COX16: variants seen among roughly 807,000 people sequenced by gnomAD.
COX16 encodes the protein cytochrome c oxidase assembly factor COX16.
COX16 carries 12 observed loss-of-function variants against 15.4 expected under a neutral mutation model. The observed-to-expected ratio is 0.78, with a 90% CI of 0.50 to 1.26. COX16 has a LOEUF of 1.26. COX16 is among the 50% of genes most tolerant of loss of function. The pLI is 0.00. For synonymous variants in COX16, 46 were observed against 41.1 expected (o/e 1.12, Z -0.46); for missense variants, 124 against 127.6 (o/e 0.97, Z 0.14).
In COX16 at chr14:70,330,873, C is replaced by G. The variant is rs1022843324; in HGVS notation, c.142-1637G>C. On this transcript the variant is annotated intron_variant, in intron 2 of 3. Coordinates refer to ENST00000389912, the MANE Select transcript of COX16 (RefSeq NM_016468.7). ...ATACAAAAAAAGAAAAAAATCAATT[C>G]CACATAGAATGTAGACCCAAATATG... Among the ~76,000 whole-genome samples, 7 of 151,970 alleles carry G rather than the reference C, an allele frequency of 4.6e-5. No individual in the cohort carries two copies. In the East Asian group the frequency reaches 1.2e-3, roughly 25 times the overall value.
chr14:70,347,861 G>T (rs1886829142), intron 1 of COX16, among the ~76,000 whole-genome samples: 1 of 151,954 alleles, frequency 6.6e-6, no homozygotes, highest in African/African-American at 2.4e-5. Context: ...GATATGTTAG[G>T]CTCTGGGTTC....
intron 1 of COX16, among the ~76,000 whole-genome samples, chr14:70,344,521 A>C (rs2332362): frequency 0.95 from 144,067 of 152,352 alleles, 68,193 homozygotes; most frequent in East Asian, 1. Context: ...TACAAAAGTT[A>C]ATGACCACAA....
At position 70,326,314 on chromosome 14, in the gene COX16, GA is replaced by G; in HGVS notation, c.*18del. 2.8e-6 allele frequency: 4 copies of G among 1,421,124 alleles called. No individual in the cohort carries two copies. The highest frequency in any genetic ancestry group is 3.7e-6 in the Non-Finnish European group (4 of 1,083,618). 88.0% of individuals were successfully genotyped at this position (1,421,124 alleles called of 1,614,324 possible). Reference sequence around the variant, plus strand: ...ATTTTTATTTAAAAAAAAAAAAAAGGAAAAAAGAATCAGCAGAGTCAAGTTG... The same window carrying G: ...ATTTTTATTTAAAAAAAAAAAAAAGGAAAAAGAATCAGCAGAGTCAAGTTG... On this transcript the variant is annotated 3_prime_UTR_variant, in exon 4 of 4. Coordinates refer to ENST00000389912, the MANE Select transcript of COX16 (RefSeq NM_016468.7).
chr14:70,344,653 G>C (rs1886720996), intron 1 of COX16, among the ~76,000 whole-genome samples: 1 of 152,188 alleles, frequency 6.6e-6, no homozygotes, highest in South Asian at 2.1e-4. Flanking sequence ...GATGAATAGT[G>C]TAAGATTCTC....
intron 2 of COX16, among the ~76,000 whole-genome samples, chr14:70,337,787 C>A (rs938625734): frequency 9.9e-5 from 15 of 151,756 alleles, no homozygotes; most frequent in Non-Finnish European, 1.6e-4. Flanking sequence ...CATTTTAAAA[C>A]TAAAAAATAT....
chr14:70,331,070 C>A (rs376001945), intron 2 of COX16, among the ~76,000 whole-genome samples: 1 of 152,112 alleles, frequency 6.6e-6, no homozygotes, highest in Non-Finnish European at 1.5e-5. Flanking sequence ...AGCAGTGGCA[C>A]GATCTCGGCT....
chr14:70,342,644 A>G lies in COX16; in HGVS notation c.141+14T>C. On this transcript the variant is annotated intron_variant, in intron 2 of 3. Transcript: ENST00000389912. ...ATAGACAGACACATGTCAAACTCTA[A>G]TTATATTTCTTACTTTACTCTTCAC... 6.2e-7 allele frequency: 1 copy of G among 1,608,196 alleles called. No individual in the cohort carries two copies. The highest frequency in any genetic ancestry group is 8.5e-7 in the Non-Finnish European group (1 of 1,178,470).
chr14:70,325,114 G>C lies in COX16; in HGVS notation c.*1219C>G, dbSNP rs1190155452. 6.6e-6 allele frequency: 1 copy of C among 152,052 alleles called. No homozygotes were observed. The highest frequency in any genetic ancestry group is 1.9e-4 in the East Asian group (1 of 5,194). The allele number at this position is 152,052 out of a possible 1,614,324, so 9.4% of individuals were successfully genotyped here. A position where few individuals can be genotyped will look rare whatever the true frequency, so the allele number is the denominator to read the frequency against. On this transcript the variant is annotated 3_prime_UTR_variant, in exon 4 of 4. Coordinates refer to ENST00000389912, the MANE Select transcript of COX16 (RefSeq NM_016468.7). ...ATTTACTTTTTATTAAAACCAACCT[G>C]CTGAAAAGAATACAAATTTTGACTA...
intron 1 of COX16, among the ~76,000 whole-genome samples, chr14:70,348,262 G>C (rs1440900384): frequency 6.6e-6 from 1 of 152,100 alleles, no homozygotes; most frequent in Non-Finnish European, 1.5e-5. Flanking sequence ...TCAAAGACAT[G>C]CTAGCTCACC....
At chr14:70,357,784 A>G (rs1887176354) in intron 1 of COX16, among the ~76,000 whole-genome samples, 2 of 152,230 alleles carry the variant, frequency 1.3e-5, no homozygotes, top group Non-Finnish European at 2.9e-5. Context: ...TGAAAATCAT[A>G]TCTTGCTGGT....
At chr14:70,357,014 G>A (rs930134017) in intron 1 of COX16, among the ~76,000 whole-genome samples, 1 of 151,942 alleles carries the variant, frequency 6.6e-6, no homozygotes, top group African/African-American at 2.4e-5. Flanking sequence ...AGAGGTTGGA[G>A]CTCTTTAAAA....
intron 1 of COX16, among the ~76,000 whole-genome samples, chr14:70,354,754 C>T (rs1887070977): frequency 6.6e-6 from 1 of 151,606 alleles, no homozygotes; most frequent in South Asian, 2.1e-4. Context: ...ATTATTGAAC[C>T]TGAGGGGGTG....
intron 2 of COX16, among the ~76,000 whole-genome samples, chr14:70,338,390 C>T (rs76887494): frequency 0.015 from 2,305 of 152,320 alleles, 33 homozygotes; most frequent in African/African-American, 0.035. Flanking sequence ...GGGATTAACA[C>T]ATGTGAACCA....
chr14:70,345,364 C>T (rs547579584), intron 1 of COX16, among the ~76,000 whole-genome samples: 21 of 152,294 alleles, frequency 1.4e-4, no homozygotes, highest in African/African-American at 4.3e-4. Context: ...GTTCCAGGAA[C>T]GAAAAAGGCA....
At chr14:70,329,364 C>CTG in intron 2 of COX16, 128 bp from the exon 3 acceptor site, 2 of 650,834 alleles carry the variant, frequency 3.1e-6, no homozygotes, top group Non-Finnish European at 5.0e-6. Flanking sequence ...AAATCTCCAC[C>CTG]ATCTACTCTG....
intron 1 of COX16, among the ~76,000 whole-genome samples, chr14:70,352,672 G>T: frequency 8.9e-6 from 1 of 112,116 alleles, no homozygotes; most frequent in East Asian, 2.7e-4. Context: ...TTGAGACAGA[G>T]TCTCGCTCTG....
chr14:70,327,449 C>A (rs1224007420), intron 3 of COX16, among the ~76,000 whole-genome samples: 1 of 151,870 alleles, frequency 6.6e-6, no homozygotes, highest in Non-Finnish European at 1.5e-5. Flanking sequence ...ACTGGTATAG[C>A]ACTTGTAGAA....
At chr14:70,352,645 C>CTTTTTTTTTTT (rs576495712) in intron 1 of COX16, among the ~76,000 whole-genome samples, 8 of 84,482 alleles carry the variant, frequency 9.5e-5, no homozygotes, top group Non-Finnish European at 1.2e-4. Flanking sequence ...CTTTTTTTTT[C>CTTTTTTTTTTT]TTTTTTTTTT....
intron 2 of COX16, among the ~76,000 whole-genome samples, chr14:70,336,179 C>A (rs1886448997): frequency 6.6e-6 from 1 of 152,142 alleles, no homozygotes; most frequent in Admixed American, 6.5e-5. Flanking sequence ...TCGCTTGAAC[C>A]CAGGAGGCGG....
Sources: gnomAD v4.1 joint callset for allele counts (sites outside exome capture counted in the v4.1 genomes callset) on GRCh38, gnomAD v4.1.1 for gene constraint, MANE v1.5 for transcripts, NCBI Gene and HGNC (gene_info 2026-07-23, HGNC 2026-07-21) for gene names.